Variants in SVOPL observed in about 807,000 individuals in gnomAD.
SVOPL encodes putative transporter SVOPL.
In SVOPL, 60 loss-of-function variants were observed where a neutral mutation model predicts 61.0. The ratio of observed to expected loss-of-function variants is 0.98; its 90% CI spans 0.80 to 1.22. The LOEUF (loss-of-function observed/expected upper bound fraction) is 1.22. Among genes scored for constraint, SVOPL ranks in the 50% most tolerant of loss-of-function variants. The probability of loss-of-function intolerance (pLI) is 0.00; values close to 1 mark genes in which losing one functional copy is unlikely to be tolerated. For synonymous variants in SVOPL, 279 were observed against 250.0 expected (o/e 1.12, Z -1.09); for missense variants, 662 against 643.9 (o/e 1.03, Z -0.30).
intron 9 of SVOPL, among the ~76,000 whole-genome samples, chr7:138,637,467 TAGATATAGATATAGATATAG>T (rs1563108732): frequency 0.047 from 1,452 of 30,766 alleles, 37 homozygotes; most frequent in East Asian, 0.37. Flanking sequence ...TATATATATA[TAGATATAGATATAGATATAG>T]ATAGATATAT....
intron 9 of SVOPL, among the ~76,000 whole-genome samples, chr7:138,637,475 GATATAGATATAGATAGATATATAT>G (rs1800546550): frequency 7.1e-5 from 1 of 14,136 alleles, no homozygotes; most frequent in African/African-American, 2.8e-4. Flanking sequence ...TATAGATATA[GATATAGATATAGATAGATATATAT>G]ATATATATAT....
intron 9 of SVOPL, among the ~76,000 whole-genome samples, chr7:138,641,397 G>A (rs370153052): frequency 9.2e-5 from 14 of 151,970 alleles, no homozygotes; most frequent in South Asian, 2.1e-4. Context: ...TCAGCTGGGC[G>A]CGGGGCCTCA....
At chr7:138,623,338 C>A (rs1203164238) in intron 13 of SVOPL, among the ~76,000 whole-genome samples, 3 of 152,132 alleles carry the variant, frequency 2.0e-5, no homozygotes, top group African/African-American at 7.2e-5. Context: ...CGGTGGCTCA[C>A]GCCTGTAATC....
At position 138,594,548 on chromosome 7, in the gene SVOPL, G is replaced by A; in HGVS notation, c.*62C>T. On this transcript the variant is annotated 3_prime_UTR_variant, in exon 16 of 16. Coordinates refer to ENST00000674285, the MANE Select transcript of SVOPL (RefSeq NM_001139456.2). ...AAGTAAAACCAAGTTTTAAAAAAATGCACCGCAGTTCTGAAGATAGAATTC... is the reference window on the plus strand; with the variant it reads ...AAGTAAAACCAAGTTTTAAAAAAATACACCGCAGTTCTGAAGATAGAATTC... 5 of 1,513,584 alleles carry A rather than the reference G, an allele frequency of 3.3e-6. No individual in the cohort carries two copies. The highest frequency in any genetic ancestry group is 4.5e-6 in the Non-Finnish European group (5 of 1,116,524). The allele number at this position is 1,513,584 out of a possible 1,614,324, so 93.8% of individuals were successfully genotyped here. A position where few individuals can be genotyped will look rare whatever the true frequency, so the allele number is the denominator to read the frequency against.
At chr7:138,637,360 A>G (rs547053182) in intron 9 of SVOPL, among the ~76,000 whole-genome samples, 10 of 151,516 alleles carry the variant, frequency 6.6e-5, no homozygotes, top group Non-Finnish European at 1.3e-4. Context: ...CTCAGGAGGC[A>G]GAGGTTGCAG....
chr7:138,636,429 T>C, intron 9 of SVOPL, among the ~76,000 whole-genome samples: 1 of 151,846 alleles, frequency 6.6e-6, no homozygotes, highest in East Asian at 1.9e-4. Context: ...CTCTCTACAT[T>C]ATTAGCCTAT....
At chr7:138,688,959 C>T (rs565708574) in intron 1 of SVOPL, 18 of 577,680 alleles carry the variant, frequency 3.1e-5, no homozygotes, top group African/African-American at 1.9e-4. Flanking sequence ...TTTCCCTAAG[C>T]GGCCTGAGGT....
In SVOPL at chr7:138,672,066, G is replaced by A. The variant is rs191061647; in HGVS notation, c.226C>T (p.Arg76Cys). 155 of 1,551,602 alleles carry A rather than the reference G, an allele frequency of 1.0e-4. No homozygotes were observed. Among genetic ancestry groups the A allele is most frequent in the African/African-American group, 2.6e-4 (19 of 73,130 alleles). Residue 76 changes from arginine (R) to cysteine (C), a missense_variant, in exon 4 of 16, where the codon CGC (arginine) becomes TGC (cysteine). Physicochemically the swap from Arg to Cys is radical, Grantham distance 180. Coordinates refer to ENST00000674285, the MANE Select transcript of SVOPL (RefSeq NM_001139456.2). ...MLIAVVSPVI[R>C]CEWQLENWQV... The stretch of plus-strand genomic sequence containing the variant: ...CAATTCTCCAGTTGCCATTCACAGC[G>A]GATGACAGGAGACACAACAGCTATC...
chr7:138,665,134 G>T (rs545163029), intron 4 of SVOPL, among the ~76,000 whole-genome samples: 3 of 66,628 alleles, frequency 4.5e-5, no homozygotes. Flanking sequence ...CCTCCCTAGG[G>T]TCAGCTCTTT....
Position 138,689,562 on chromosome 7 carries a change from A to C in SVOPL, c.-34-10483T>G. 3 of 495,816 alleles carry C rather than the reference A, an allele frequency of 6.1e-6. 1 individual carries two copies. The South Asian group carries it at 6.5e-5, about 11-fold the overall frequency. The allele number at this position is 495,816 out of a possible 1,614,324, so 30.7% of individuals were successfully genotyped here. A position where few individuals can be genotyped will look rare whatever the true frequency, so the allele number is the denominator to read the frequency against. ...AAATAAATGAAATTAAAAGTAAAAA[A>C]AGAAAAAAAAAAAAGGGCCAGATGT... On this transcript the variant is annotated intron_variant, in intron 1 of 15. Coordinates refer to ENST00000674285, the MANE Select transcript of SVOPL (RefSeq NM_001139456.2).
chr7:138,594,448 ATACAGT>A lies in SVOPL; in HGVS notation c.*156_*161del, dbSNP rs1314465701. 4.2e-6 allele frequency: 2 copies of A among 472,012 alleles called. No homozygotes were observed. Among genetic ancestry groups the A allele is most frequent in the Non-Finnish European group, 7.5e-6 (2 of 268,430 alleles). 29.2% of individuals were successfully genotyped at this position (472,012 alleles called of 1,614,324 possible). A position where few individuals can be genotyped will look rare whatever the true frequency, so the allele number is the denominator to read the frequency against. On this transcript the variant is annotated 3_prime_UTR_variant, in exon 16 of 16. Transcript: ENST00000674285. ...ATTGTTCCTCAAGGAAGAGATCAAT[ATACAGT>A]TACCTACCCCATTCCCATATATGCC...
At chr7:138,620,337 T>A (rs867323139) in intron 14 of SVOPL, among the ~76,000 whole-genome samples, 25 of 148,452 alleles carry the variant, frequency 1.7e-4, no homozygotes, top group Non-Finnish European at 5.9e-5. Context: ...CCCAGCCTGG[T>A]CTCAAACTCC....
At chr7:138,648,823 G>A (rs1430829412) in intron 8 of SVOPL, among the ~76,000 whole-genome samples, 189 bp downstream of exon 8, 3 of 152,160 alleles carry the variant, frequency 2.0e-5, no homozygotes, top group Middle Eastern at 3.2e-3. Context: ...TCGGGAGGCT[G>A]AGGCAGGAGA....
chr7:138,687,540 A>AT (rs978287402), intron 1 of SVOPL, among the ~76,000 whole-genome samples: 4 of 150,460 alleles, frequency 2.7e-5, no homozygotes, highest in African/African-American at 4.9e-5. Flanking sequence ...CTTGCCCTAC[A>AT]TTTTTTTTAT....
intron 10 of SVOPL, among the ~76,000 whole-genome samples, chr7:138,629,353 C>T (rs1035071329): frequency 2.0e-5 from 3 of 151,786 alleles, no homozygotes; most frequent in Non-Finnish European, 4.4e-5. Flanking sequence ...GCCTCAGCCT[C>T]CCAAGTAGCT....
In SVOPL at chr7:138,672,654, T is replaced by TG. The variant is rs1802454432; in HGVS notation, c.175-538_175-537insC. ...CAGCAGGAAAGTGTTTTTTTTTGTGTTTAAAAAAAAAAAAAAAAAAAGAAG... is the reference window on the plus strand; with the variant it reads ...CAGCAGGAAAGTGTTTTTTTTTGTGTGTTAAAAAAAAAAAAAAAAAAAGAAG... On this transcript the variant is annotated intron_variant, in intron 3 of 15. Coordinates refer to ENST00000674285, the MANE Select transcript of SVOPL (RefSeq NM_001139456.2). Among the ~76,000 whole-genome samples, 7 of 96,490 alleles carry TG rather than the reference T, an allele frequency of 7.3e-5. No homozygotes were observed. In the South Asian group the frequency reaches 2.6e-3, roughly 36 times the overall value. The allele number at this position is 96,490 out of a possible 152,430, so 63.3% of individuals were successfully genotyped here. A position where few individuals can be genotyped will look rare whatever the true frequency, so the allele number is the denominator to read the frequency against.
chr7:138,692,347 G>A (rs972220813), intron 1 of SVOPL, among the ~76,000 whole-genome samples: 2 of 152,168 alleles, frequency 1.3e-5, no homozygotes, highest in African/African-American at 2.4e-5. Context: ...GGGAGGTGAA[G>A]CTGCAGAGGT....
intron 14 of SVOPL, among the ~76,000 whole-genome samples, chr7:138,605,709 A>G (rs1798728371): frequency 6.6e-6 from 1 of 152,048 alleles, no homozygotes; most frequent in South Asian, 2.1e-4. Flanking sequence ...ACATAACCAC[A>G]AACAGTCCCA....
chr7:138,642,505 A>G (rs903338996), intron 9 of SVOPL, among the ~76,000 whole-genome samples: 6 of 152,036 alleles, frequency 3.9e-5, no homozygotes, highest in Non-Finnish European at 8.8e-5. Flanking sequence ...TTGAAAACCC[A>G]GATAAATTAA....
Sources: gnomAD v4.1 joint callset for allele counts (sites outside exome capture counted in the v4.1 genomes callset) on GRCh38, gnomAD v4.1.1 for gene constraint, MANE v1.5 for transcripts, NCBI Gene and HGNC (gene_info 2026-07-23, HGNC 2026-07-21) for gene names.